IL1RAPL1: variants seen among roughly 807,000 people sequenced by gnomAD.
IL1RAPL1 encodes interleukin 1 receptor accessory protein like 1, also known as interleukin-1 receptor accessory protein-like 1.
Under a neutral mutation model 48.4 loss-of-function variants are expected in IL1RAPL1, and 3 were observed. That is an observed-to-expected ratio of 0.06 (90% confidence interval 0.03 to 0.16). IL1RAPL1 has a LOEUF of 0.16. Among genes scored for constraint, IL1RAPL1 ranks in the 10% least tolerant of loss-of-function variants. The pLI is 1.00. For missense variants in IL1RAPL1, 349 were observed against 530.6 expected, an observed-to-expected ratio of 0.66 and a Z score of 3.36; for synonymous variants, 185 against 187.7, an observed-to-expected ratio of 0.99 and a Z score of 0.12.
chrX:29,626,764 G>T (rs1924628297), intron 5 of IL1RAPL1, among the ~76,000 whole-genome samples: 1 of 111,800 alleles, frequency 8.9e-6, no homozygotes, highest in South Asian at 3.8e-4. Context: ...TACTCAGCTG[G>T]ATCTCTGCCT....
At chrX:28,771,901 G>A (rs1283140960) in intron 1 of IL1RAPL1, among the ~76,000 whole-genome samples, 1 of 86,014 alleles carries the variant, frequency 1.2e-5, no homozygotes, top group Non-Finnish European at 2.1e-5. Context: ...ACTGCAGTCC[G>A]CAGTCCGGCC....
chrX:28,835,825 C>T (rs1921191058), intron 2 of IL1RAPL1, among the ~76,000 whole-genome samples: 2 of 111,017 alleles, frequency 1.8e-5, no homozygotes, highest in Admixed American at 1.9e-4. Flanking sequence ...ACTTTCTGAA[C>T]CAAGACAGTG....
At chrX:29,895,674 G>T (rs1161396627) in intron 6 of IL1RAPL1, among the ~76,000 whole-genome samples, 1 of 112,778 alleles carries the variant, frequency 8.9e-6, no homozygotes, top group Non-Finnish European at 1.9e-5. Context: ...AGCATTTATT[G>T]AGTGCTTAAT....
At chrX:29,335,273 C>G (rs181705756) in intron 3 of IL1RAPL1, among the ~76,000 whole-genome samples, 258 of 15,231 alleles carry the variant, frequency 0.017, no homozygotes, top group East Asian at 0.026. Context: ...GAGACGGAGA[C>G]GGAGAGGGGA....
chrX:29,588,897 T>C (rs186816765), intron 5 of IL1RAPL1, among the ~76,000 whole-genome samples: 22 of 112,156 alleles, frequency 2.0e-4, no homozygotes, highest in Admixed American at 1.9e-3. Context: ...TCATTTAGGC[T>C]ACTTGGGTTC....
chrX:28,734,375 A>G (rs758840340), intron 1 of IL1RAPL1, among the ~76,000 whole-genome samples: 6 of 110,176 alleles, frequency 5.4e-5, no homozygotes, highest in African/African-American at 1.6e-4. Context: ...ATCTACTCCT[A>G]TTTTCCCTGT....
intron 5 of IL1RAPL1, among the ~76,000 whole-genome samples, chrX:29,618,895 G>GTTGT (rs758693204): frequency 9.4e-4 from 104 of 110,820 alleles, no homozygotes; most frequent in African/African-American, 3.4e-3. Context: ...GTCTATTTGA[G>GTTGT]TTGTTTTAAT....
At chrX:29,862,138 C>T (rs1406214788) in intron 6 of IL1RAPL1, among the ~76,000 whole-genome samples, 5 of 103,350 alleles carry the variant, frequency 4.8e-5, no homozygotes, top group East Asian at 5.9e-4. Context: ...CCAGCCTGGG[C>T]GACAGAGCAA....
At chrX:29,272,404 C>T (rs1286718276) in intron 2 of IL1RAPL1, among the ~76,000 whole-genome samples, 3 of 111,377 alleles carry the variant, frequency 2.7e-5, no homozygotes, top group African/African-American at 9.8e-5. Flanking sequence ...CTGGTTCAAT[C>T]ACTTATAAAG....
At chrX:29,261,006 A>C (rs1157689796) in intron 2 of IL1RAPL1, among the ~76,000 whole-genome samples, 1 of 108,303 alleles carries the variant, frequency 9.2e-6, no homozygotes, top group African/African-American at 3.3e-5. Context: ...TATATATTAT[A>C]TATAATAAAT....
At chrX:29,291,454 G>T (rs1932369511) in intron 3 of IL1RAPL1, among the ~76,000 whole-genome samples, 1 of 110,365 alleles carries the variant, frequency 9.1e-6, no homozygotes, top group Admixed American at 9.7e-5. Context: ...CTTGTAGAAC[G>T]TGCAGGTTTG....
chrX:29,138,329 T>C (rs974459464), intron 2 of IL1RAPL1, among the ~76,000 whole-genome samples: 1 of 112,526 alleles, frequency 8.9e-6, no homozygotes, highest in African/African-American at 3.2e-5. Flanking sequence ...GATCAAATCT[T>C]GCTGGTCCAC....
intron 5 of IL1RAPL1, among the ~76,000 whole-genome samples, chrX:29,505,964 T>C (rs759993766): frequency 1.8e-5 from 2 of 112,346 alleles, no homozygotes; most frequent in South Asian, 7.3e-4. Context: ...AAATACTCTG[T>C]CTTCAAGCTC....
chrX:29,406,021 A>G (rs1360652030), intron 5 of IL1RAPL1, among the ~76,000 whole-genome samples: 4 of 111,597 alleles, frequency 3.6e-5, no homozygotes, highest in Non-Finnish European at 5.6e-5. Flanking sequence ...TGTTTCCTGA[A>G]CTGGTGTCCA....
At chrX:29,577,678 A>G (rs1206939148) in intron 5 of IL1RAPL1, among the ~76,000 whole-genome samples, 3 of 111,951 alleles carry the variant, frequency 2.7e-5, no homozygotes, top group African/African-American at 6.5e-5. Context: ...ACTTTTCCCA[A>G]TGTTCAAATT....
chrX:29,757,988 C>A (rs1403225725), intron 6 of IL1RAPL1, among the ~76,000 whole-genome samples: 1 of 111,489 alleles, frequency 9.0e-6, no homozygotes, highest in Non-Finnish European at 1.9e-5. Flanking sequence ...TGAAAAAATT[C>A]AATCAATCAT....
intron 2 of IL1RAPL1, among the ~76,000 whole-genome samples, chrX:29,103,561 G>T (rs1047479467): frequency 1.9e-5 from 2 of 107,882 alleles, no homozygotes; most frequent in African/African-American, 3.7e-5. Context: ...ATTGGACTGG[G>T]CAAAGATTTT....
At chrX:29,470,902 G>C (rs1934913806) in intron 5 of IL1RAPL1, among the ~76,000 whole-genome samples, 1 of 111,760 alleles carries the variant, frequency 8.9e-6, no homozygotes, top group Admixed American at 9.5e-5. Flanking sequence ...CAAAGTGCCT[G>C]GTTTATTGAC....
At chrX:29,489,421 T>C (rs192946662) in intron 5 of IL1RAPL1, among the ~76,000 whole-genome samples, 10 of 112,059 alleles carry the variant, frequency 8.9e-5, no homozygotes, top group African/African-American at 3.2e-4. Context: ...TAATGTTTGG[T>C]TAATTATAAG....
Sources: allele counts gnomAD v4.1 joint callset (sites outside exome capture counted in the v4.1 genomes callset), GRCh38; gene constraint gnomAD v4.1.1; transcripts MANE v1.5; gene names NCBI Gene and HGNC (gene_info 2026-07-23, HGNC 2026-07-21).